The following ANKS1B variants were observed in gnomAD, a reference collection of about 807,000 sequenced individuals.
ANKS1B encodes ankyrin repeat and sterile alpha motif domain-containing protein 1B.
In ANKS1B, 36 loss-of-function variants were observed where a neutral mutation model predicts 148.3. The observed-to-expected ratio is 0.24, with a 90% CI of 0.19 to 0.32. ANKS1B has a LOEUF of 0.32. Ranked by LOEUF, ANKS1B falls within the 10% of genes least tolerant of loss-of-function variation. The probability of loss-of-function intolerance (pLI) is 1.00; values close to 1 mark genes in which losing one functional copy is unlikely to be tolerated. For missense variants in ANKS1B, 1,157 were observed against 1,542.6 expected (o/e 0.75, Z 4.19); for synonymous variants, 542 against 560.8 (o/e 0.97, Z 0.47).
intron 17 of ANKS1B, among the ~76,000 whole-genome samples, chr12:99,052,734 CAAAA>C (rs56965572): frequency 1.2e-4 from 3 of 26,010 alleles, no homozygotes; most frequent in Non-Finnish European, 1.2e-4. Flanking sequence ...GACTCCGTCT[CAAAA>C]AAAAAAAAAA....
At chr12:98,798,850 A>G in intron 22 of ANKS1B, 84 bp downstream of exon 22, 1 of 1,140,906 alleles carries the variant, frequency 8.8e-7, no homozygotes, top group Non-Finnish European at 1.3e-6. Context: ...TGGAGAAAAT[A>G]GTAATTTGAA....
intron 17 of ANKS1B, among the ~76,000 whole-genome samples, chr12:98,953,545 T>C (rs1179538770): frequency 1.1e-5 from 1 of 87,494 alleles, no homozygotes; most frequent in Non-Finnish European, 2.1e-5. Context: ...TGGTTTTTTT[T>C]TTTTTTTTTT....
rs539441692 is a variant in ANKS1B at position 99,715,694 on chromosome 12, T to G, written c.1128+57228A>C. On this transcript the variant is annotated intron_variant, in intron 8 of 26. Coordinates refer to ENST00000683438, the MANE Select transcript of ANKS1B (RefSeq NM_001352186.2). ...CCGTGAAAAAGATCCACCTATGACC[T>G]CGGGTCCTCAGACCCATCAGCCCAA... is the stretch of plus-strand genomic sequence containing the variant. Among the ~76,000 whole-genome samples, 49 of 152,232 alleles carry G rather than the reference T, an allele frequency of 3.2e-4. No individual in the cohort carries two copies. The South Asian group carries it at 5.0e-3, about 15-fold the overall frequency.
chr12:99,480,560 T>C (rs1287843814), intron 10 of ANKS1B, among the ~76,000 whole-genome samples: 1 of 151,854 alleles, frequency 6.6e-6, no homozygotes, highest in Non-Finnish European at 1.5e-5. Flanking sequence ...GAGTTGAAAA[T>C]ATTTTTTAAT....
At chr12:99,408,647 A>G (rs2094587818) in intron 11 of ANKS1B, among the ~76,000 whole-genome samples, 1 of 146,138 alleles carries the variant, frequency 6.8e-6, no homozygotes, top group South Asian at 2.1e-4. Context: ...AAAAAACTGA[A>G]AAGGAAAAAA....
At chr12:98,921,694 G>A (rs1319783726) in intron 17 of ANKS1B, among the ~76,000 whole-genome samples, 1 of 152,092 alleles carries the variant, frequency 6.6e-6, no homozygotes, top group Non-Finnish European at 1.5e-5. Context: ...GCCTGCTTTG[G>A]CATGCTTTGA....
chr12:99,603,499 G>A (rs991647837), intron 9 of ANKS1B, among the ~76,000 whole-genome samples: 1 of 151,986 alleles, frequency 6.6e-6, no homozygotes, highest in African/African-American at 2.4e-5. Context: ...TTAGTTCCTC[G>A]ATGTTGTCTG....
intron 12 of ANKS1B, among the ~76,000 whole-genome samples, chr12:99,280,885 TCA>T (rs1179465603): frequency 2.0e-5 from 3 of 149,924 alleles, no homozygotes; most frequent in South Asian, 2.1e-4. Context: ...TCTCTCTCTC[TCA>T]CACACACACA....
chr12:99,487,869 TA>T (rs2096514033), intron 10 of ANKS1B, among the ~76,000 whole-genome samples: 1 of 152,078 alleles, frequency 6.6e-6, no homozygotes, highest in South Asian at 2.1e-4. Flanking sequence ...TCAATAGTTC[TA>T]ATATTATATT....
intron 17 of ANKS1B, among the ~76,000 whole-genome samples, chr12:98,836,531 G>A (rs1221690554): frequency 6.6e-6 from 1 of 152,152 alleles, no homozygotes; most frequent in Non-Finnish European, 1.5e-5. Context: ...GGTCATTATG[G>A]AAAAGTCAAG....
At chr12:99,299,892 T>C (rs1566840068) in intron 12 of ANKS1B, among the ~76,000 whole-genome samples, 1 of 152,194 alleles carries the variant, frequency 6.6e-6, no homozygotes, top group Non-Finnish European at 1.5e-5. Context: ...TAATGATTTA[T>C]TGCCTTTCCT....
chr12:98,833,869 A>C (rs60325560), intron 17 of ANKS1B, among the ~76,000 whole-genome samples: 9,482 of 152,216 alleles, frequency 0.062, 571 homozygotes, highest in African/African-American at 0.16. Flanking sequence ...TTCTGCGTTA[A>C]TTAACTTAAG....
intron 9 of ANKS1B, among the ~76,000 whole-genome samples, chr12:99,580,000 T>C (rs1046830899): frequency 1.3e-5 from 2 of 152,182 alleles, no homozygotes; most frequent in Non-Finnish European, 2.9e-5. Flanking sequence ...ATACACACCA[T>C]TGAATACTAT....
At chr12:99,693,873 C>G in intron 8 of ANKS1B, among the ~76,000 whole-genome samples, 1 of 151,054 alleles carries the variant, frequency 6.6e-6, no homozygotes, top group East Asian at 2.0e-4. Flanking sequence ...CTCTGCCTCC[C>G]GGGTTCACGC....
intron 17 of ANKS1B, among the ~76,000 whole-genome samples, chr12:99,029,942 G>T (rs1363744617): frequency 2.0e-5 from 3 of 152,260 alleles, no homozygotes; most frequent in Non-Finnish European, 4.4e-5. Flanking sequence ...GATCTGAGAT[G>T]TGTGAAAGCT....
Position 99,775,607 on chromosome 12 carries a change from T to G in ANKS1B, c.902A>C (p.Asp301Ala). ...STVLEEPVQE[D>A]ATQETHISSP... ...TGAAATGTGTGTTTCTTGTGTTGCA[T>G]CTTCCTGTACAGGCTCTTCGAGGAC... is the stretch of plus-strand genomic sequence containing the variant. Residue 301 changes from aspartate to alanine, a missense_variant, in exon 7 of 27, where the codon GAT becomes GCT. By Grantham distance (126) the Asp-to-Ala change is moderately radical. Transcript: ENST00000683438. 1 of 1,613,298 alleles carries G rather than the reference T, an allele frequency of 6.2e-7. No individual in the cohort carries two copies. Among genetic ancestry groups the G allele is most frequent in the Non-Finnish European group, 8.5e-7 (1 of 1,179,422 alleles).
intron 12 of ANKS1B, among the ~76,000 whole-genome samples, chr12:99,325,528 C>T (rs1258680460): frequency 1.3e-5 from 2 of 151,996 alleles, no homozygotes; most frequent in African/African-American, 2.4e-5. Flanking sequence ...AGAGGGTCAA[C>T]GATTAACAGC....
At chr12:99,586,802 CG>C (rs1006423618) in intron 9 of ANKS1B, among the ~76,000 whole-genome samples, 1 of 152,080 alleles carries the variant, frequency 6.6e-6, no homozygotes, top group African/African-American at 2.4e-5. Context: ...AGAGTATGTG[CG>C]GGGGAACTCC....
chr12:99,768,578 A>C (rs888999770), intron 8 of ANKS1B, among the ~76,000 whole-genome samples: 1 of 152,136 alleles, frequency 6.6e-6, no homozygotes, highest in African/African-American at 2.4e-5. Flanking sequence ...CTGTAATCCC[A>C]GCACTTTGGG....
Sources: allele counts gnomAD v4.1 joint callset (sites outside exome capture counted in the v4.1 genomes callset), GRCh38; gene constraint gnomAD v4.1.1; transcripts MANE v1.5; gene names NCBI Gene and HGNC (gene_info 2026-07-23, HGNC 2026-07-21).